The following MED13L variants were observed in gnomAD, a reference collection of about 807,000 sequenced individuals.
MED13L encodes mediator of RNA polymerase II transcription subunit 13-like.
A neutral mutation model predicts 220.9 loss-of-function variants in MED13L; 7 were observed. The ratio of observed to expected loss-of-function variants is 0.03; its 90% CI spans 0.02 to 0.06. MED13L has a LOEUF of 0.06. Ranked by LOEUF, MED13L falls within the 10% of genes least tolerant of loss-of-function variation. MED13L has a pLI of 1.00. For synonymous variants in MED13L, 1,011 were observed against 1,015.2 expected, an observed-to-expected ratio of 1.00 and a Z score of 0.08; for missense variants, 1,965 against 2,760.5, an observed-to-expected ratio of 0.71 and a Z score of 6.46.
chr12:116,232,978 T>G (rs972178965), intron 2 of MED13L, among the ~76,000 whole-genome samples: 2 of 149,678 alleles, frequency 1.3e-5, no homozygotes, highest in African/African-American at 4.9e-5. Flanking sequence ...TCCCAGCTAC[T>G]CAGAAGGCTG....
intron 7 of MED13L, among the ~76,000 whole-genome samples, chr12:116,016,836 A>G (rs1020062097): frequency 1.3e-5 from 2 of 152,230 alleles, no homozygotes; most frequent in African/African-American, 4.8e-5. Context: ...GGATATACCA[A>G]TCCAAATAAG....
intron 2 of MED13L, among the ~76,000 whole-genome samples, chr12:116,164,657 A>G (rs1295431605): frequency 6.6e-6 from 1 of 152,166 alleles, no homozygotes; most frequent in Non-Finnish European, 1.5e-5. Context: ...ACACAGCACC[A>G]TGGATTGACC....
Position 116,205,543 on chromosome 12 carries a change from A to C in MED13L, c.310+31925T>G, listed in dbSNP as rs1348320039. 2.6e-5 allele frequency among the ~76,000 whole-genome samples: 4 copies of C among 151,798 alleles called. No individual in the cohort carries two copies. The East Asian group carries it at 7.7e-4, about 29-fold the overall frequency. On this transcript the variant is annotated intron_variant, in intron 2 of 30. Coordinates refer to ENST00000281928, the MANE Select transcript of MED13L (RefSeq NM_015335.5). The stretch of plus-strand genomic sequence containing the variant: ...AAAACAAAGGAAGAGAAAAAAAAAA[A>C]AAAAAAGGAAAGTCTTTTAAAAAGA...
intron 7 of MED13L, among the ~76,000 whole-genome samples, chr12:116,016,988 G>C (rs551784483): frequency 1.3e-5 from 2 of 152,250 alleles, no homozygotes; most frequent in South Asian, 4.1e-4. Context: ...GAATGTCAAG[G>C]CTGACCGGGA....
intron 4 of MED13L, among the ~76,000 whole-genome samples, chr12:116,045,140 A>C (rs925964137): frequency 6.6e-5 from 10 of 152,230 alleles, no homozygotes; most frequent in Admixed American, 1.3e-4. Context: ...TTTCTCAGGC[A>C]GTAAATCCAA....
chr12:116,155,539 C>T (rs531794037), intron 2 of MED13L, among the ~76,000 whole-genome samples: 1 of 152,070 alleles, frequency 6.6e-6, no homozygotes, highest in South Asian at 2.1e-4. Flanking sequence ...TACCACAGTT[C>T]GGCCACACAA....
At chr12:116,241,163 G>A (rs1183597301) in intron 1 of MED13L, among the ~76,000 whole-genome samples, 5 of 151,154 alleles carry the variant, frequency 3.3e-5, no homozygotes, top group South Asian at 2.1e-4. Context: ...AAAAATTAGC[G>A]GGGCGTGGTG....
chr12:116,188,534 G>A (rs1367979928), intron 2 of MED13L, among the ~76,000 whole-genome samples: 1 of 152,164 alleles, frequency 6.6e-6, no homozygotes. Flanking sequence ...GTGTGAGATA[G>A]TCAGAGATTC....
rs774267211 is a variant in MED13L at position 115,984,191 on chromosome 12, C to A, written c.4520G>T (p.Arg1507Leu). Residue 1507 changes from arginine to leucine, a missense_variant, in exon 20 of 31, where the codon CGC (arginine) becomes CTC (leucine). Physicochemically the swap from Arg to Leu is moderately radical, Grantham distance 102. Transcript: ENST00000281928. ...AAATTCCCATTTACCTAGGTGATGG[C>A]GGCAAACTTGCGCATAAAGTTTGAG... ...SRLKLYAQVC[R>L]HHLAPYLATL... 6.2e-7 allele frequency: 1 copy of A among 1,613,648 alleles called. No homozygotes were observed. Among genetic ancestry groups the A allele is most frequent in the South Asian group, 1.1e-5 (1 of 91,004 alleles).
At chr12:115,989,071 T>C (rs1877888619) in intron 17 of MED13L, among the ~76,000 whole-genome samples, 1 of 152,150 alleles carries the variant, frequency 6.6e-6, no homozygotes. Flanking sequence ...AGTCAGAAAA[T>C]ACCCATCACT....
intron 29 of MED13L, 56 bp from the exon 30 acceptor site, chr12:115,963,575 G>A (rs1875921426): frequency 1.5e-6 from 2 of 1,306,116 alleles, no homozygotes; most frequent in African/African-American, 1.4e-5. Context: ...CAGTGCAGAA[G>A]TGAGGGAGGC....
At position 116,019,887 on chromosome 12, in the gene MED13L, C is replaced by G; in HGVS notation, c.711G>C (p.Glu237Asp). The G allele has an allele frequency of 6.2e-7, 1 of 1,613,806 alleles. No individual in the cohort carries two copies. Among genetic ancestry groups the G allele is most frequent in the Non-Finnish European group, 8.5e-7 (1 of 1,179,898 alleles). ...MSDPATRKLI[E>D]EWQYFYPMVL... ...CCATCGGGTAGAAATACTGCCATTC[C>G]TCAATCAACTTACGAGTGGCTGGGT... is the stretch of plus-strand genomic sequence containing the variant. Residue 237 changes from glutamate to aspartate, a missense_variant, in exon 6 of 31, where the codon GAG becomes GAC. Transcript: ENST00000281928.
At chr12:116,034,480 C>T (rs563931786) in intron 4 of MED13L, among the ~76,000 whole-genome samples, 12 of 152,304 alleles carry the variant, frequency 7.9e-5, no homozygotes, top group Admixed American at 1.3e-4. Flanking sequence ...AATCTCTCTA[C>T]GCATTCTTCT....
At chr12:116,251,761 A>C (rs1871588801) in intron 1 of MED13L, among the ~76,000 whole-genome samples, 3 of 143,822 alleles carry the variant, frequency 2.1e-5, no homozygotes, top group South Asian at 4.4e-4. Context: ...ACTCTGTCTC[A>C]AAAAAAAAAA....
At chr12:115,995,553 A>G (rs1878345448) in intron 16 of MED13L, among the ~76,000 whole-genome samples, 1 of 152,128 alleles carries the variant, frequency 6.6e-6, no homozygotes, top group African/African-American at 2.4e-5. Context: ...CCTCCCAAGC[A>G]GCTGGGTCAC....
At chr12:116,242,766 T>C (rs1342578814) in intron 1 of MED13L, among the ~76,000 whole-genome samples, 1 of 152,174 alleles carries the variant, frequency 6.6e-6, no homozygotes, top group Non-Finnish European at 1.5e-5. Flanking sequence ...GGTTGAATAA[T>C]TCTCCCAGAG....
rs748669055 is a variant in MED13L at position 116,096,677 on chromosome 12, G to A, written c.471C>T (p.Val157=). The change falls in exon 4 of 31, where the codon GTC becomes GTT. Residue 157 remains valine (V), a synonymous_variant. Coordinates refer to ENST00000281928, the MANE Select transcript of MED13L (RefSeq NM_015335.5). ...VRPYEKDEKP[V]NKSEHLSCAF... is the part of the protein sequence containing the mutation. ...GCATTCTAAAGGCTCACCTTTTGTT[G>A]ACTGGCTTTTCATCCTTTTCGTAGG... is the stretch of plus-strand genomic sequence containing the variant. 2 of 1,613,742 alleles carry A rather than the reference G, an allele frequency of 1.2e-6. No homozygotes were observed. Among genetic ancestry groups the A allele is most frequent in the Non-Finnish European group, 1.7e-6 (2 of 1,179,882 alleles).
chr12:116,051,664 A>G (rs996406946), intron 4 of MED13L, among the ~76,000 whole-genome samples: 72 of 152,348 alleles, frequency 4.7e-4, no homozygotes, highest in African/African-American at 1.6e-3. Flanking sequence ...TCATTTAGGT[A>G]CATTTATATT....
chr12:116,113,734 G>T (rs915851304), intron 2 of MED13L, among the ~76,000 whole-genome samples: 1 of 120,356 alleles, frequency 8.3e-6, no homozygotes, highest in Non-Finnish European at 1.8e-5. Flanking sequence ...GAGAGAGGAG[G>T]GGGAGGGGAA....
Sources: allele counts gnomAD v4.1 joint callset (sites outside exome capture counted in the v4.1 genomes callset), GRCh38; gene constraint gnomAD v4.1.1; transcripts MANE v1.5; gene names NCBI Gene and HGNC (gene_info 2026-07-23, HGNC 2026-07-21).